Variants in SH3BP5 observed in about 807,000 individuals in gnomAD.
SH3BP5 encodes the protein SH3 domain binding protein 5.
A neutral mutation model predicts 43.3 loss-of-function variants in SH3BP5; 22 were observed. That is an observed-to-expected ratio of 0.51 (90% CI 0.36 to 0.73). The LOEUF (loss-of-function observed/expected upper bound fraction) is 0.73, where lower values mean the gene tolerates loss of function less well. Ranked by LOEUF, SH3BP5 falls within the 30% of genes least tolerant of loss-of-function variation. SH3BP5 has a pLI of 0.00. For missense variants in SH3BP5, 529 were observed against 586.9 expected (o/e 0.90, Z 1.02); for synonymous variants, 255 against 225.8 (o/e 1.13, Z -1.16).
rs1223864247 is a variant in SH3BP5, at chr3:15,324,531, C to A, written c.201+5973G>T. Among the ~76,000 whole-genome samples the A allele has an allele frequency of 2.0e-5, 3 of 152,192 alleles. No individual in the cohort carries two copies. The South Asian group carries it at 6.2e-4, about 32-fold the overall frequency. ...AGGGGCTCTGCCAGCTTAGACCGGGCAGCCTGCCACCAGGCCTGGAATCTG... is the reference window on the plus strand; with the variant it reads ...AGGGGCTCTGCCAGCTTAGACCGGGAAGCCTGCCACCAGGCCTGGAATCTG... On this transcript the variant is annotated intron_variant, in intron 2 of 8. Transcript: ENST00000383791.
intron 4 of SH3BP5, among the ~76,000 whole-genome samples, chr3:15,263,795 C>T (rs1282840350): frequency 2.0e-5 from 3 of 152,252 alleles, no homozygotes; most frequent in Non-Finnish European, 2.9e-5. Context: ...GTTCAGGCCA[C>T]ATAAGCAGCT....
At position 15,332,371 on chromosome 3, in the gene SH3BP5, G is replaced by A. The variant is rs199603410; in HGVS notation, c.38C>T (p.Pro13Leu). 1.3e-5 allele frequency: 20 copies of A among 1,539,490 alleles called. No homozygotes were observed. The African/African-American group carries it at 2.1e-4, about 16-fold the overall frequency. The change falls in exon 1 of 9, where the codon CCA (proline) becomes CTA (leucine). Residue 13 changes from proline (P) to leucine (L), a missense_variant. Pro to Leu is a moderately conservative substitution (Grantham distance 98). Transcript: ENST00000383791. ...CCGGGCAGGCGGCAGGATTTCGGCT[G>A]GCTCCTCCGAGCGGCTCCGCTTCAG... Reference protein sequence around the residue: ...AALKRSRSEEPAEILPPARDE... With the variant: ...AALKRSRSEELAEILPPARDE...
At chr3:15,339,925 A>G (rs925970524) in intron 1 of SH3BP5, 1 of 152,156 alleles carries the variant, frequency 6.6e-6, no homozygotes, top group Non-Finnish European at 1.5e-5. Flanking sequence ...GGGGAAAAAG[A>G]AGAAAGAAAG....
chr3:15,326,102 G>A (rs1698456542), intron 2 of SH3BP5, among the ~76,000 whole-genome samples: 1 of 152,146 alleles, frequency 6.6e-6, no homozygotes, highest in Admixed American at 6.5e-5. Context: ...TTATATCCAA[G>A]GGCTCTCTGG....
At position 15,319,208 on chromosome 3, in the gene SH3BP5, C is replaced by T. The variant is rs556903280; in HGVS notation, c.201+11296G>A. Among the ~76,000 whole-genome samples, 7 of 152,242 alleles carry T rather than the reference C, an allele frequency of 4.6e-5. 1 individual carries two copies. The South Asian group carries it at 1.0e-3, about 23-fold the overall frequency. ...AATTTTTAAGAAATGGGCAAAGTGG[C>T]GAAGAATTCCCTATGGCAAGGCCCA... On this transcript the variant is annotated intron_variant, in intron 2 of 8. Coordinates refer to ENST00000383791, the MANE Select transcript of SH3BP5 (RefSeq NM_004844.5).
At chr3:15,264,307 T>C (rs1024723936) in intron 4 of SH3BP5, 1 of 151,236 alleles carries the variant, frequency 6.6e-6, no homozygotes, top group East Asian at 1.9e-4. Flanking sequence ...GAAATGAAGA[T>C]GAACTGTGTC....
At chr3:15,308,676 C>A (rs1697976789) in intron 2 of SH3BP5, among the ~76,000 whole-genome samples, 1 of 152,166 alleles carries the variant, frequency 6.6e-6, no homozygotes, top group Non-Finnish European at 1.5e-5. Flanking sequence ...GAGGGCATGG[C>A]ACAGTGGGGA....
At chr3:15,327,368 C>A (rs1278433268) in intron 2 of SH3BP5, among the ~76,000 whole-genome samples, 2 of 152,220 alleles carry the variant, frequency 1.3e-5, no homozygotes, top group Non-Finnish European at 2.9e-5. Flanking sequence ...CCATTGCACT[C>A]CAGCCTGGGC....
chr3:15,281,836 C>T (rs1266208357), intron 3 of SH3BP5, among the ~76,000 whole-genome samples: 2 of 152,076 alleles, frequency 1.3e-5, no homozygotes, highest in Non-Finnish European at 2.9e-5. Flanking sequence ...AACCCTTTTT[C>T]TACTAAAAAT....
upstream of SH3BP5, among the ~76,000 whole-genome samples, chr3:15,335,538 C>G (rs1040506433): frequency 2.0e-5 from 3 of 151,894 alleles, no homozygotes; most frequent in Admixed American, 6.6e-5. Context: ...TGCCACTGTA[C>G]TCCAGCCTGG....
rs1696345344 is a variant in SH3BP5 at position 15,259,341 on chromosome 3, A to G, written c.670-291T>C. 7.4e-6 allele frequency: 4 copies of G among 538,872 alleles called. No homozygotes were observed. The South Asian group carries it at 8.3e-5, about 11-fold the overall frequency. 33.4% of individuals were successfully genotyped at this position (538,872 alleles called of 1,614,324 possible). On this transcript the variant is annotated intron_variant, in intron 6 of 8. Transcript: ENST00000383791. ...TGGGCATCAGACACACCAAAGTCCC[A>G]CAGTCTAGACATCTGGTTCCCAGTA...
intron 4 of SH3BP5, among the ~76,000 whole-genome samples, chr3:15,266,191 GT>G (rs1479651073): frequency 6.6e-6 from 1 of 152,230 alleles, no homozygotes; most frequent in Non-Finnish European, 1.5e-5. Flanking sequence ...GTTTCAGACT[GT>G]TTCCTGATTC....
chr3:15,266,957 G>A (rs1426495531), intron 4 of SH3BP5, among the ~76,000 whole-genome samples: 2 of 152,236 alleles, frequency 1.3e-5, no homozygotes, highest in East Asian at 1.9e-4. Context: ...CCAAGCCACT[G>A]CCATTTCTTC....
intron 5 of SH3BP5, chr3:15,260,168 A>G (rs1696382210): frequency 3.8e-5 from 10 of 260,966 alleles, no homozygotes; most frequent in South Asian, 8.7e-5. Context: ...CTGCTCTCCT[A>G]ATGAAGTTGG....
rs111518076 is a variant in SH3BP5, at chr3:15,269,273, C to T, written c.495+440G>A. The stretch of plus-strand genomic sequence containing the variant: ...GTACACACCTGATTCTGGTCTAATC[C>T]GCCATGACCCCTGCCTTCCTCCGAC... On this transcript the variant is annotated intron_variant, in intron 4 of 8. Coordinates refer to ENST00000383791, the MANE Select transcript of SH3BP5 (RefSeq NM_004844.5). Among the ~76,000 whole-genome samples the T allele has an allele frequency of 2.6e-3, 400 of 152,302 alleles. 4 individuals are homozygous for T. The highest frequency in any genetic ancestry group is 9.0e-3 in the African/African-American group (373 of 41,564).
In SH3BP5 at chr3:15,318,571, G is replaced by GT. The variant is rs200695446; in HGVS notation, c.201+11932dup. ...AAAGCTTTCCTATGTTTTTGTTTTT[G>GT]TTTTTTTTAAGACAAGAGTCTCGCT... On this transcript the variant is annotated intron_variant, in intron 2 of 8. Coordinates refer to ENST00000383791, the MANE Select transcript of SH3BP5 (RefSeq NM_004844.5). 1.2e-3 allele frequency among the ~76,000 whole-genome samples: 105 copies of GT among 88,384 alleles called. 1 individual carries two copies. The East Asian group carries it at 0.027, about 22-fold the overall frequency. The allele number at this position is 88,384 out of a possible 152,430, so 58.0% of individuals were successfully genotyped here.
chr3:15,262,563 A>G (rs951122627), intron 4 of SH3BP5, among the ~76,000 whole-genome samples: 1 of 152,292 alleles, frequency 6.6e-6, no homozygotes, highest in African/African-American at 2.4e-5. Flanking sequence ...AGGCTAAGGC[A>G]GGAGAATCAC....
chr3:15,324,487 AC>A (rs954027334), intron 2 of SH3BP5, among the ~76,000 whole-genome samples: 87 of 152,228 alleles, frequency 5.7e-4, no homozygotes, highest in Non-Finnish European at 1.9e-4. Flanking sequence ...TCACCTGTGT[AC>A]AAGAAGGTCA....
chr3:15,278,054 C>A (rs750359111), intron 3 of SH3BP5, among the ~76,000 whole-genome samples: 11 of 152,246 alleles, frequency 7.2e-5, no homozygotes, highest in Admixed American at 5.9e-4. Context: ...GCTTCTACCC[C>A]TCGTGCTTCG....
Sources: gnomAD v4.1 joint callset for allele counts (sites outside exome capture counted in the v4.1 genomes callset) on GRCh38, gnomAD v4.1.1 for gene constraint, MANE v1.5 for transcripts, NCBI Gene and HGNC (gene_info 2026-07-23, HGNC 2026-07-21) for gene names.